FAM221A: variants seen among roughly 807,000 people sequenced by gnomAD.
The protein encoded by FAM221A is protein FAM221A.
FAM221A carries 43 observed loss-of-function variants against 37.6 expected under a neutral mutation model. That is an observed-to-expected ratio of 1.15 (90% confidence interval 0.90 to 1.48). The LOEUF is 1.48. FAM221A is among the 40% of genes most tolerant of loss of function. The pLI is 0.00. For synonymous variants in FAM221A, 135 were observed against 132.9 expected, an observed-to-expected ratio of 1.02 and a Z score of -0.11; for missense variants, 361 against 361.5, an observed-to-expected ratio of 1.00 and a Z score of 0.01.
intron 2 of FAM221A, chr7:23,687,949 T>C (rs575314487): frequency 1.3e-5 from 2 of 151,832 alleles, no homozygotes; most frequent in Non-Finnish European, 2.9e-5. Flanking sequence ...CCTGGCCCTT[T>C]CGTAACACTC....
At chr7:23,697,557 A>G in intron 4 of FAM221A, among the ~76,000 whole-genome samples, 1 of 152,144 alleles carries the variant, frequency 6.6e-6, no homozygotes, top group East Asian at 1.9e-4. Flanking sequence ...GTAAAAATAC[A>G]CTTATTCTAC....
At chr7:23,699,897 T>C (rs1785301200) in intron 5 of FAM221A, among the ~76,000 whole-genome samples, 1 of 152,162 alleles carries the variant, frequency 6.6e-6, no homozygotes, top group African/African-American at 2.4e-5. Flanking sequence ...AATGGTAATA[T>C]GCCATTATAA....
At position 23,700,885 on chromosome 7, in the gene FAM221A, A is replaced by G; in HGVS notation, c.828+17A>G. The stretch of plus-strand genomic sequence containing the variant: ...CAGGAAAGGGTAGGTTTTTGAGGAA[A>G]TTCAGTTGCACTAAGCATTTACTTG... On this transcript the variant is annotated intron_variant, in intron 6 of 6. Coordinates refer to ENST00000344962, the MANE Select transcript of FAM221A (RefSeq NM_199136.5). The G allele has an allele frequency of 6.5e-7, 1 of 1,533,296 alleles. No individual in the cohort carries two copies. The allele number at this position is 1,533,296 out of a possible 1,614,324, so 95.0% of individuals were successfully genotyped here.
chr7:23,689,323 T>C lies in FAM221A; in HGVS notation c.294T>C (p.Asp98=). 6.3e-7 allele frequency: 1 copy of C among 1,590,294 alleles called. No individual in the cohort carries two copies. Among genetic ancestry groups the C allele is most frequent in the Non-Finnish European group, 8.6e-7 (1 of 1,161,002 alleles). Reference sequence around the variant, plus strand: ...CGATTCCTCAGCAGTGCCCCATTGATCTGCCCTGCCAAGTGACTGGCTGCC... The same window carrying C: ...CGATTCCTCAGCAGTGCCCCATTGACCTGCCCTGCCAAGTGACTGGCTGCC... ...LEAIPQQCPI[D]LPCQVTGCQC... Residue 98 remains aspartate, a synonymous_variant, in exon 3 of 7, where the codon GAT becomes GAC. Transcript: ENST00000344962.
chr7:23,680,246 G>C lies in FAM221A; in HGVS notation c.28G>C (p.Gly10Arg). 1 of 1,549,362 alleles carries C rather than the reference G, an allele frequency of 6.5e-7. No individual in the cohort carries two copies. Among genetic ancestry groups the C allele is most frequent in the Non-Finnish European group, 8.7e-7 (1 of 1,146,076 alleles). Residue 10 changes from glycine (G) to arginine (R), a missense_variant, in exon 1 of 7, where the codon GGC (glycine) becomes CGC (arginine). Physicochemically the swap from Gly to Arg is moderately radical, Grantham distance 125 (BLOSUM62 -2). Transcript: ENST00000344962. MERLTLPLG[G>R]AAAVDEYLEY... Reference sequence around the variant, plus strand: ...GGAGCGGTTGACGTTGCCTCTCGGCGGCGCGGCGGCGGTGGACGAGTACCT... The same window carrying C: ...GGAGCGGTTGACGTTGCCTCTCGGCCGCGCGGCGGCGGTGGACGAGTACCT...
At chr7:23,695,113 C>T (rs560670692) in intron 4 of FAM221A, among the ~76,000 whole-genome samples, 11 of 152,172 alleles carry the variant, frequency 7.2e-5, no homozygotes, top group South Asian at 2.1e-4. Flanking sequence ...TGCCTGTGGG[C>T]GCATGCCAGT....
intron 4 of FAM221A, chr7:23,693,919 C>G (rs1284456243): frequency 6.6e-6 from 1 of 152,154 alleles, no homozygotes; most frequent in Admixed American, 6.6e-5. Context: ...TGATCTGTTG[C>G]ACCTATCAAC....
intron 4 of FAM221A, 26 bp downstream of exon 4, chr7:23,691,622 G>A: frequency 2.5e-6 from 4 of 1,592,740 alleles, no homozygotes; most frequent in Non-Finnish European, 2.6e-6. Context: ...TGAAATGTGA[G>A]CCCATTGTAT....
intron 4 of FAM221A, among the ~76,000 whole-genome samples, chr7:23,695,202 C>A (rs1784978061): frequency 6.6e-6 from 1 of 152,024 alleles, no homozygotes; most frequent in Admixed American, 6.6e-5. Flanking sequence ...GTGTCAAACT[C>A]CGAAGGTCAA....
At chr7:23,689,870 A>C (rs1031037040) in intron 3 of FAM221A, among the ~76,000 whole-genome samples, 2 of 152,134 alleles carry the variant, frequency 1.3e-5, no homozygotes, top group Non-Finnish European at 2.9e-5. Flanking sequence ...ATAGATTAAC[A>C]TAGCATGATC....
intron 3 of FAM221A, among the ~76,000 whole-genome samples, chr7:23,689,845 T>G (rs1319454512): frequency 6.6e-6 from 1 of 152,126 alleles, no homozygotes; most frequent in Non-Finnish European, 1.5e-5. Context: ...GTCAAAAAAC[T>G]TTTATGGTTT....
intron 4 of FAM221A, chr7:23,694,420 C>G (rs1030383897): frequency 2.6e-5 from 4 of 152,086 alleles, no homozygotes; most frequent in Non-Finnish European, 5.9e-5. Context: ...TTATAACTAG[C>G]TTGTTAAATT....
intron 3 of FAM221A, among the ~76,000 whole-genome samples, chr7:23,690,181 ATATATATATATATATATAT>A (rs1156711350): frequency 1.9e-5 from 1 of 51,668 alleles, no homozygotes; most frequent in African/African-American, 6.3e-5. Flanking sequence ...ATATATATAT[ATATATATATATATATATAT>A]TTTTTTTTTT....
chr7:23,682,985 G>A (rs1030995183), intron 1 of FAM221A, among the ~76,000 whole-genome samples: 5 of 152,028 alleles, frequency 3.3e-5, no homozygotes, highest in African/African-American at 7.2e-5. Flanking sequence ...TAAAGAAGGC[G>A]GTTTTGATTA....
chr7:23,698,374 A>C, intron 5 of FAM221A, 75 bp downstream of exon 5: 1 of 784,952 alleles, frequency 1.3e-6, no homozygotes, highest in African/African-American at 1.8e-5. Context: ...TTTTCTAGGC[A>C]TCTCTCTTTT....
chr7:23,691,767 AT>A (rs1451044881), intron 4 of FAM221A, among the ~76,000 whole-genome samples, 171 bp downstream of exon 4: 1 of 151,464 alleles, frequency 6.6e-6, no homozygotes, highest in African/African-American at 2.4e-5. Flanking sequence ...TTTATTTTTT[AT>A]TTTTTCAGAC....
At chr7:23,698,718 A>G (rs1014941088) in intron 5 of FAM221A, among the ~76,000 whole-genome samples, 9 of 152,198 alleles carry the variant, frequency 5.9e-5, no homozygotes, top group Non-Finnish European at 1.0e-4. Flanking sequence ...AAGCACCAGT[A>G]TTCTGTATTT....
At chr7:23,691,759 T>A (rs928118499) in intron 4 of FAM221A, among the ~76,000 whole-genome samples, 163 bp downstream of exon 4, 2 of 152,198 alleles carry the variant, frequency 1.3e-5, no homozygotes, top group Non-Finnish European at 2.9e-5. Flanking sequence ...ATTTTTATTT[T>A]ATTTTTTATT....
At chr7:23,692,729 T>A (rs1340829753) in intron 4 of FAM221A, 64 of 982,444 alleles carry the variant, frequency 6.5e-5, no homozygotes, top group Non-Finnish European at 7.0e-5. Flanking sequence ...CACCCTTGAA[T>A]ACTTCTCTTT....
Sources: allele counts gnomAD v4.1 joint callset (sites outside exome capture counted in the v4.1 genomes callset), GRCh38; gene constraint gnomAD v4.1.1; transcripts MANE v1.5; gene names NCBI Gene and HGNC (gene_info 2026-07-23, HGNC 2026-07-21).